LIMS2: variants seen among roughly 807,000 people sequenced by gnomAD.
LIMS2 encodes the protein LIM zinc finger domain containing 2.
Under a neutral mutation model 45.3 loss-of-function variants are expected in LIMS2, and 30 were observed. The ratio of observed to expected loss-of-function variants is 0.66; its 90% CI spans 0.50 to 0.90. LIMS2 has a LOEUF of 0.90. Ranked by LOEUF, LIMS2 falls within the 40% of genes least tolerant of loss-of-function variation. The pLI, the probability that LIMS2 is intolerant of heterozygous loss-of-function variation, is 0.00. For synonymous variants in LIMS2, 173 were observed against 188.0 expected, an observed-to-expected ratio of 0.92 and a Z score of 0.65; for missense variants, 485 against 468.7, an observed-to-expected ratio of 1.03 and a Z score of -0.32.
At chr2:127,639,778 G>A (rs1417845641) in intron 9 of LIMS2, among the ~76,000 whole-genome samples, 2 of 152,212 alleles carry the variant, frequency 1.3e-5, no homozygotes, top group Non-Finnish European at 2.9e-5. Flanking sequence ...TGCATATGCT[G>A]TTCCCTGAGC....
chr2:127,650,894 G>A lies in LIMS2; in HGVS notation c.359+3530C>T, dbSNP rs756043150. Reference sequence around the variant, plus strand: ...CTTTAGTTGGCAATACCCTGGCTCTGTGGCTTTTCATCCGAGACCACAAGT... The same window carrying A: ...CTTTAGTTGGCAATACCCTGGCTCTATGGCTTTTCATCCGAGACCACAAGT... On this transcript the variant is annotated intron_variant, in intron 4 of 9. Transcript: ENST00000355119. 1.8e-5 allele frequency: 29 copies of A among 1,613,988 alleles called. No homozygotes were observed. In the Admixed American group the frequency reaches 4.8e-4, roughly 27 times the overall value.
intron 4 of LIMS2, chr2:127,644,107 A>C: frequency 2.2e-6 from 1 of 456,430 alleles, no homozygotes. Context: ...CCTGCACAGC[A>C]CTGTGCTCCA....
At chr2:127,679,857 G>A (rs773605084), upstream of LIMS2, among the ~76,000 whole-genome samples, 48 of 152,152 alleles carry the variant, frequency 3.2e-4, no homozygotes, top group Non-Finnish European at 5.7e-4. The surrounding 1 kb of genome is among the most constrained non-coding windows in gnomAD (Gnocchi z 5.3). Flanking sequence ...GCTCTCAGGA[G>A]GCCTCAGGGT....
chr2:127,654,145 TG>T (rs1684066677), intron 4 of LIMS2, among the ~76,000 whole-genome samples: 1 of 151,336 alleles, frequency 6.6e-6, no homozygotes, highest in African/African-American at 2.4e-5. Flanking sequence ...GGTGGACAGG[TG>T]GGGTCAGTAG....
intron 1 of LIMS2, among the ~76,000 whole-genome samples, chr2:127,666,721 G>A (rs1685020595): frequency 6.6e-6 from 1 of 152,148 alleles, no homozygotes; most frequent in Non-Finnish European, 1.5e-5. Context: ...GAACAGGGCT[G>A]GGGAGGACTC....
At chr2:127,678,191 C>T (rs1216735259), upstream of LIMS2, among the ~76,000 whole-genome samples, 2 of 152,132 alleles carry the variant, frequency 1.3e-5, no homozygotes, top group Non-Finnish European at 2.9e-5. This position sits in a 1 kb window ranked among gnomAD's most constrained non-coding sequence, Gnocchi z 5.3. Flanking sequence ...CCCGTAGTCC[C>T]AGCTAGTCCT....
At chr2:127,639,526 C>T in intron 9 of LIMS2, 98 bp from the exon 10 acceptor site, 1 of 1,444,596 alleles carries the variant, frequency 6.9e-7, no homozygotes, top group Non-Finnish European at 9.5e-7. Context: ...CCCAGCCTCC[C>T]CACACCAGCC....
intron 1 of LIMS2, among the ~76,000 whole-genome samples, chr2:127,661,175 C>T (rs1040948244): frequency 6.6e-6 from 1 of 152,240 alleles, no homozygotes; most frequent in African/African-American, 2.4e-5. Context: ...CTGGGCCCAG[C>T]CGCTCAGCTC....
intron 1 of LIMS2, among the ~76,000 whole-genome samples, chr2:127,659,880 C>T (rs1684498540): frequency 6.6e-6 from 1 of 152,224 alleles, no homozygotes; most frequent in South Asian, 2.1e-4. Flanking sequence ...CTCTGGCTTC[C>T]AGCTGTGCTG....
At chr2:127,660,479 G>C (rs928978492) in intron 1 of LIMS2, among the ~76,000 whole-genome samples, 1 of 152,152 alleles carries the variant, frequency 6.6e-6, no homozygotes, top group Admixed American at 6.5e-5. Flanking sequence ...GAACCGACGG[G>C]GAGGAATCGT....
chr2:127,650,052 C>T (rs776783827), intron 4 of LIMS2: 3 of 1,608,078 alleles, frequency 1.9e-6, no homozygotes, highest in Non-Finnish European at 2.5e-6. Flanking sequence ...AGAAAGCCCC[C>T]AAGAGAGATG....
chr2:127,650,000 C>T (rs755738933), intron 4 of LIMS2: 2 of 1,603,902 alleles, frequency 1.2e-6, no homozygotes, highest in Non-Finnish European at 1.7e-6. Context: ...ACAGGTCTCC[C>T]CACCTGTCAG....
Position 127,664,224 on chromosome 2 carries a change from G to C in LIMS2, c.12-6662C>G, listed in dbSNP as rs898616958. The C allele has an allele frequency of 7.9e-6, 9 of 1,142,764 alleles. No individual in the cohort carries two copies. Among genetic ancestry groups the C allele is most frequent in the East Asian group, 3.6e-5 (1 of 27,908 alleles). 70.8% of individuals were successfully genotyped at this position (1,142,764 alleles called of 1,614,324 possible). ...CCCACGGCGTCGGAGGGCCCCGGTC[G>C]GGTTTCCGAGGGAAGGCCTGCCCTG... On this transcript the variant is annotated intron_variant, in intron 1 of 9. Coordinates refer to ENST00000355119, the MANE Select transcript of LIMS2 (RefSeq NM_001161403.3). The surrounding 1 kb of genome is among the most constrained non-coding windows in gnomAD (Gnocchi z 5.5).
chr2:127,654,460 T>A lies in LIMS2; in HGVS notation c.323A>T (p.Glu108Val). 1 of 1,614,130 alleles carries A rather than the reference T, an allele frequency of 6.2e-7. No homozygotes were observed. The change falls in exon 4 of 10, where the codon GAG becomes GTG. Residue 108 changes from glutamate to valine, a missense_variant. Physicochemically the swap from Glu to Val is moderately radical, Grantham distance 121. Coordinates refer to ENST00000355119, the MANE Select transcript of LIMS2 (RefSeq NM_001161403.3). ...CTTCACAAAGCCCAGGTCAGCCAGC[T>A]CCACATCACACAGCTCGCAGCGGAA... is the stretch of plus-strand genomic sequence containing the variant. ...GCFRCELCDV[E>V]LADLGFVKNA...
rs377383293 is a variant in LIMS2 at position 127,643,903 on chromosome 2, G to A, written c.360-831C>T. The stretch of plus-strand genomic sequence containing the variant: ...CCCAGGGGCCCTCTCCACTCCTCAC[G>A]AGCCTCCACGGCTGCCCGACGCCCA... On this transcript the variant is annotated intron_variant, in intron 4 of 9. Transcript: ENST00000355119. Among the ~76,000 whole-genome samples the A allele has an allele frequency of 3.2e-3, 494 of 152,176 alleles. 6 individuals carry two copies. The highest frequency in any genetic ancestry group is 0.011 in the African/African-American group (456 of 41,526).
chr2:127,640,574 G>A (rs1682304599), intron 7 of LIMS2: 1 of 601,788 alleles, frequency 1.7e-6, no homozygotes. Flanking sequence ...CAAGGAGGTG[G>A]GCCCAGGTGG....
chr2:127,648,182 T>C (rs956005970), intron 4 of LIMS2: 7 of 985,318 alleles, frequency 7.1e-6, no homozygotes, highest in Non-Finnish European at 8.4e-6. Context: ...GAACTCCACA[T>C]TGGACTAAGA....
intron 6 of LIMS2, 87 bp downstream of exon 6, chr2:127,641,962 A>T (rs1270196678): frequency 7.0e-7 from 1 of 1,437,718 alleles, no homozygotes. Context: ...CTGGGCTGGG[A>T]GTGTGGAGGA....
Position 127,664,669 on chromosome 2 carries a change from TG to T in LIMS2, c.12-7108del. ...GGGTCCCGCTGGGAGGGGACTGGTC[TG>T]GGAAGGCCCCAGACAGCACTGAGGT... On this transcript the variant is annotated intron_variant, in intron 1 of 9. Coordinates refer to ENST00000355119, the MANE Select transcript of LIMS2 (RefSeq NM_001161403.3). The surrounding 1 kb of genome is among the most constrained non-coding windows in gnomAD (Gnocchi z 5.5). 2.0e-6 allele frequency: 2 copies of T among 1,019,120 alleles called. No individual in the cohort carries two copies. Among genetic ancestry groups the T allele is most frequent in the Non-Finnish European group, 2.4e-6 (2 of 840,440 alleles). 63.1% of individuals were successfully genotyped at this position (1,019,120 alleles called of 1,614,324 possible).
Sources: allele counts gnomAD v4.1 joint callset (sites outside exome capture counted in the v4.1 genomes callset), GRCh38; gene constraint gnomAD v4.1.1; non-coding constraint Gnocchi (gnomAD v3.1); transcripts MANE v1.5; gene names NCBI Gene and HGNC (gene_info 2026-07-23, HGNC 2026-07-21).